HINFP: variants seen among roughly 807,000 people sequenced by gnomAD.
HINFP encodes the protein MBD2 (methyl-CpG-binding protein)-interacting zinc finger protein.
HINFP carries 20 observed loss-of-function variants against 50.1 expected under a neutral mutation model. That is an observed-to-expected ratio of 0.40 (90% CI 0.28 to 0.58). The LOEUF (loss-of-function observed/expected upper bound fraction) is 0.58. HINFP is among the 20% of genes least tolerant of loss of function. HINFP has a pLI of 0.45. For synonymous variants in HINFP, 247 were observed against 243.7 expected (o/e 1.01, Z -0.13); for missense variants, 505 against 664.1 (o/e 0.76, Z 2.63).
chr11:119,134,005 G>A lies in HINFP; in HGVS notation c.1140-79G>A, dbSNP rs745625819. 3.1e-6 allele frequency: 5 copies of A among 1,598,790 alleles called. No individual in the cohort carries two copies. Among genetic ancestry groups the A allele is most frequent in the Non-Finnish European group, 1.7e-6 (2 of 1,167,576 alleles). On this transcript the variant is annotated intron_variant, in intron 9 of 9. Coordinates refer to ENST00000350777, the MANE Select transcript of HINFP (RefSeq NM_198971.3). This position sits in a 1 kb window ranked among gnomAD's most constrained non-coding sequence, Gnocchi z 4.3. The stretch of plus-strand genomic sequence containing the variant: ...AGGACTTCTTCCATCCCTCATGTTT[G>A]TTCCTTACTTTGCCAGCCTCGGCCA...
At chr11:119,124,411 G>T (rs1040369973) in intron 1 of HINFP, 2 of 152,146 alleles carry the variant, frequency 1.3e-5, no homozygotes, top group Admixed American at 1.3e-4. Context: ...GCAAGAATCC[G>T]TGAGAATTCC....
intron 2 of HINFP, among the ~76,000 whole-genome samples, chr11:119,128,559 C>G (rs1351135154): frequency 6.6e-6 from 1 of 150,436 alleles, no homozygotes; most frequent in Admixed American, 6.6e-5. Context: ...AACTCCTGAC[C>G]TCAGGTGATC....
At chr11:119,122,248 C>CA (rs1349958746) in intron 1 of HINFP, among the ~76,000 whole-genome samples, 4 of 152,288 alleles carry the variant, frequency 2.6e-5, no homozygotes, top group South Asian at 2.1e-4. Flanking sequence ...GGAGGACAGT[C>CA]AGAGAGCGTC....
Position 119,134,239 on chromosome 11 carries a change from T to G in HINFP, c.1295T>G (p.Val432Gly). 6.2e-7 allele frequency: 1 copy of G among 1,613,970 alleles called. No individual in the cohort carries two copies. Among genetic ancestry groups the G allele is most frequent in the East Asian group, 2.2e-5 (1 of 44,870 alleles). ...SSLQGIILET[V>G]PGEPGRKEEE... ...CTGCAGGGCATTATTCTAGAAACAGTGCCAGGGGAGCCAGGACGTAAGGAA... is the reference window on the plus strand; with the variant it reads ...CTGCAGGGCATTATTCTAGAAACAGGGCCAGGGGAGCCAGGACGTAAGGAA... Residue 432 changes from valine to glycine, a missense_variant, in exon 10 of 10, where the codon GTG (valine) becomes GGG (glycine). Val to Gly is a moderately radical substitution (Grantham distance 109). Coordinates refer to ENST00000350777, the MANE Select transcript of HINFP (RefSeq NM_198971.3). The surrounding 1 kb of genome is among the most constrained non-coding windows in gnomAD (Gnocchi z 4.3).
chr11:119,133,992 A>G, intron 9 of HINFP, 92 bp from the exon 10 acceptor site: 1 of 1,554,308 alleles, frequency 6.4e-7, no homozygotes, highest in Non-Finnish European at 8.8e-7. Flanking sequence ...GACTTCTTCC[A>G]TCCCTCATGT....
rs1294502346 is a variant in HINFP, at chr11:119,135,551, C to G, written c.*1053C>G. The G allele has an allele frequency of 6.6e-6, 1 of 152,106 alleles. No homozygotes were observed. The highest frequency in any genetic ancestry group is 2.4e-5 in the African/African-American group (1 of 41,416). The allele number at this position is 152,106 out of a possible 1,614,324, so 9.4% of individuals were successfully genotyped here. Reference sequence around the variant, plus strand: ...AAGGATCTGTTTTTTGCTAGATTATCAAAGAGATTGAAACCTCCCAAAATA... The same window carrying G: ...AAGGATCTGTTTTTTGCTAGATTATGAAAGAGATTGAAACCTCCCAAAATA... On this transcript the variant is annotated 3_prime_UTR_variant, in exon 10 of 10. Transcript: ENST00000350777.
chr11:119,131,388 C>T lies in HINFP; in HGVS notation c.412-147C>T, dbSNP rs1477778162. On this transcript the variant is annotated intron_variant, in intron 3 of 9. Coordinates refer to ENST00000350777, the MANE Select transcript of HINFP (RefSeq NM_198971.3). This position sits in a 1 kb window ranked among gnomAD's most constrained non-coding sequence, Gnocchi z 4.2. The stretch of plus-strand genomic sequence containing the variant: ...ACAGGGTTTAGCAACCGCACCCGGC[C>T]ACTCCTCCATTTCTGTGCAGTGCCT... The T allele has an allele frequency of 3.0e-6, 2 of 664,126 alleles. No homozygotes were observed. The highest frequency in any genetic ancestry group is 2.7e-6 in the Non-Finnish European group (1 of 364,280). 41.1% of individuals were successfully genotyped at this position (664,126 alleles called of 1,614,324 possible). A position where few individuals can be genotyped will look rare whatever the true frequency, so the allele number is the denominator to read the frequency against.
rs141418556 is a variant in HINFP, at chr11:119,126,706, G to T, written c.-10-229G>T. 128 of 441,292 alleles carry T rather than the reference G, an allele frequency of 2.9e-4. 1 individual carries two copies. In the East Asian group the frequency reaches 4.6e-3, roughly 16 times the overall value. The allele number at this position is 441,292 out of a possible 1,614,324, so 27.3% of individuals were successfully genotyped here. On this transcript the variant is annotated intron_variant, in intron 1 of 9. Transcript: ENST00000350777. ...TGTCTGTTAAAGCGTTTAGCTCAGT[G>T]CCTGGCACACACTCAATAGTGTTAG...
intron 9 of HINFP, 89 bp downstream of exon 9, chr11:119,133,308 C>T (rs575040577): frequency 2.6e-5 from 39 of 1,522,514 alleles, no homozygotes; most frequent in Middle Eastern, 1.7e-4. Flanking sequence ...GGGTCGGGCG[C>T]GGTGGCTCAC....
At position 119,134,237 on chromosome 11, in the gene HINFP, A is replaced by G. The variant is rs369995805; in HGVS notation, c.1293A>G (p.Thr431=). The G allele has an allele frequency of 1.3e-5, 21 of 1,614,208 alleles. No individual in the cohort carries two copies. The African/African-American group carries it at 2.7e-4, about 20-fold the overall frequency. ...ESSLQGIILE[T]VPGEPGRKEE... is the part of the protein sequence containing the mutation. Reference sequence around the variant, plus strand: ...GCCTGCAGGGCATTATTCTAGAAACAGTGCCAGGGGAGCCAGGACGTAAGG... The same window carrying G: ...GCCTGCAGGGCATTATTCTAGAAACGGTGCCAGGGGAGCCAGGACGTAAGG... The change falls in exon 10 of 10, where the codon ACA becomes ACG. Residue 431 remains threonine, a synonymous_variant. Transcript: ENST00000350777. The surrounding 1 kb of genome is among the most constrained non-coding windows in gnomAD (Gnocchi z 4.3).
chr11:119,133,917 C>A, intron 9 of HINFP, 167 bp from the exon 10 acceptor site: 1 of 819,288 alleles, frequency 1.2e-6, no homozygotes, highest in Admixed American at 2.8e-5. Context: ...TTCCCTCTTG[C>A]CTTTTCTTCT....
intron 2 of HINFP, 154 bp from the exon 3 acceptor site, chr11:119,130,571 A>G (rs1947694930): frequency 3.2e-6 from 2 of 631,558 alleles, no homozygotes; most frequent in Non-Finnish European, 5.6e-6. Context: ...ATGGTCATTA[A>G]ATACTGGTAT....
intron 1 of HINFP, among the ~76,000 whole-genome samples, chr11:119,122,922 G>A (rs1179920): frequency 0.64 from 97,377 of 151,768 alleles, 32,510 homozygotes; most frequent in African/African-American, 0.81. Context: ...CAGGAGTTTG[G>A]GACCAGCCTG....
chr11:119,134,395 C>G lies in HINFP; in HGVS notation c.1451C>G (p.Ser484Cys), dbSNP rs1055059734. 1.2e-6 allele frequency: 2 copies of G among 1,614,042 alleles called. No individual in the cohort carries two copies. The highest frequency in any genetic ancestry group is 1.7e-5 in the Admixed American group (1 of 60,006). Residue 484 changes from serine (S) to cysteine (C), a missense_variant, in exon 10 of 10, where the codon TCT becomes TGT. Ser to Cys is a moderately radical substitution (Grantham distance 112, BLOSUM62 -1). Transcript: ENST00000350777. The surrounding 1 kb of genome is among the most constrained non-coding windows in gnomAD (Gnocchi z 4.3). ...GQQEIVYYVL[S>C]EAPGEPPPAP... The stretch of plus-strand genomic sequence containing the variant: ...CAAGAGATCGTCTACTATGTGCTGT[C>G]TGAAGCCCCAGGGGAGCCTCCCCCA...
At position 119,134,296 on chromosome 11, in the gene HINFP, C is replaced by T; in HGVS notation, c.1352C>T (p.Thr451Ile). The change falls in exon 10 of 10, where the codon ACA becomes ATA. Residue 451 changes from threonine to isoleucine, a missense_variant. Transcript: ENST00000350777. This position sits in a 1 kb window ranked among gnomAD's most constrained non-coding sequence, Gnocchi z 4.3. ...GAGGAGGGCAAGGGTAGCGAAGGGACAGCCCTCTCAGCCTCTCAGGACAAC... is the reference window on the plus strand; with the variant it reads ...GAGGAGGGCAAGGGTAGCGAAGGGATAGCCCTCTCAGCCTCTCAGGACAAC... ...EEEEGKGSEG[T>I]ALSASQDNPS... 6.2e-7 allele frequency: 1 copy of T among 1,614,154 alleles called. No individual in the cohort carries two copies. Among genetic ancestry groups the T allele is most frequent in the Non-Finnish European group, 8.5e-7 (1 of 1,179,980 alleles).
intron 2 of HINFP, among the ~76,000 whole-genome samples, chr11:119,128,738 C>T (rs1434245632): frequency 1.3e-5 from 2 of 151,318 alleles, no homozygotes; most frequent in East Asian, 3.9e-4. Flanking sequence ...CTTGCTCTGT[C>T]GCCAGGCTGG....
chr11:119,132,634 T>A, intron 6 of HINFP, 27 bp from the exon 7 acceptor site: 2 of 1,614,082 alleles, frequency 1.2e-6, no homozygotes, highest in Non-Finnish European at 1.7e-6. Context: ...AGTTCTCACA[T>A]CACAGCCTCC....
chr11:119,130,324 G>A (rs569598243), intron 2 of HINFP: 11 of 232,130 alleles, frequency 4.7e-5, no homozygotes, highest in East Asian at 2.5e-4. Context: ...CTCATCCATC[G>A]TACTTCAGAG....
At chr11:119,133,887 T>C (rs1947919242) in intron 9 of HINFP, 197 bp from the exon 10 acceptor site, 2 of 679,786 alleles carry the variant, frequency 2.9e-6, no homozygotes, top group Non-Finnish European at 4.9e-6. Context: ...TATAAAACTT[T>C]CCATTTTGAG....
Sources: gnomAD v4.1 joint callset for allele counts (sites outside exome capture counted in the v4.1 genomes callset) on GRCh38, gnomAD v4.1.1 for gene constraint, Gnocchi (gnomAD v3.1) non-coding constraint, MANE v1.5 for transcripts, NCBI Gene and HGNC (gene_info 2026-07-23, HGNC 2026-07-21) for gene names.